PATJ: variants seen among roughly 807,000 people sequenced by gnomAD.
PATJ encodes PATJ crumbs cell polarity complex component.
A neutral mutation model predicts 224.9 loss-of-function variants in PATJ; 190 were observed. The ratio of observed to expected loss-of-function variants is 0.84; its 90% CI spans 0.75 to 0.95. The LOEUF is 0.95. PATJ is among the 40% of genes least tolerant of loss of function. PATJ has a pLI of 0.00. For synonymous variants in PATJ, 769 were observed against 820.3 expected, an observed-to-expected ratio of 0.94 and a Z score of 1.07; for missense variants, 2,121 against 2,270.3, an observed-to-expected ratio of 0.93 and a Z score of 1.34.
At position 61,801,553 on chromosome 1, in the gene PATJ, T is replaced by C. The variant is rs1232827592; in HGVS notation, c.1403-70T>C. 35 of 908,740 alleles carry C rather than the reference T, an allele frequency of 3.9e-5. No individual in the cohort carries two copies. In the East Asian group the frequency reaches 9.3e-4, roughly 24 times the overall value. 56.3% of individuals were successfully genotyped at this position (908,740 alleles called of 1,614,324 possible). On this transcript the variant is annotated intron_variant, in intron 11 of 43. Coordinates refer to ENST00000642238, the MANE Select transcript of PATJ (RefSeq NM_001350145.3). ...GCAGTAAAATCTGCTCACTTAAATATAGTCCTCAACAACTAATAATTCAAG... is the reference window on the plus strand; with the variant it reads ...GCAGTAAAATCTGCTCACTTAAATACAGTCCTCAACAACTAATAATTCAAG...
chr1:61,794,931 G>A (rs1373884086), intron 9 of PATJ, among the ~76,000 whole-genome samples: 1 of 151,940 alleles, frequency 6.6e-6, no homozygotes, highest in African/African-American at 2.4e-5. Flanking sequence ...GCAGTGAGCT[G>A]AGATCGTGCC....
chr1:61,820,438 G>T (rs540102601), intron 14 of PATJ, among the ~76,000 whole-genome samples: 22 of 151,828 alleles, frequency 1.4e-4, no homozygotes, highest in Admixed American at 1.3e-4. Flanking sequence ...TGCCTCCTGG[G>T]CTCAAGCGAT....
chr1:61,975,015 G>T (rs1328172830), intron 27 of PATJ, among the ~76,000 whole-genome samples: 1 of 151,966 alleles, frequency 6.6e-6, no homozygotes, highest in Non-Finnish European at 1.5e-5. Flanking sequence ...CATAATCTTG[G>T]CTTTCTGTGA....
At chr1:61,787,673 A>C in intron 7 of PATJ, 81 bp from the exon 8 acceptor site, 1 of 1,050,460 alleles carries the variant, frequency 9.5e-7, no homozygotes, top group South Asian at 1.5e-5. Context: ...ATTTTGCCAG[A>C]GCTGAAAGTC....
chr1:62,092,841 A>C (rs1660947753), intron 33 of PATJ, among the ~76,000 whole-genome samples: 1 of 150,848 alleles, frequency 6.6e-6, no homozygotes. Flanking sequence ...TCCCAAATTC[A>C]AGAGATTCTC....
In PATJ at chr1:61,911,455, G is replaced by A. The variant is rs532264815; in HGVS notation, c.3492+2973G>A. Among the ~76,000 whole-genome samples, 28 of 151,826 alleles carry A rather than the reference G, an allele frequency of 1.8e-4. No homozygotes were observed. The East Asian group carries it at 4.3e-3, about 23-fold the overall frequency. On this transcript the variant is annotated intron_variant, in intron 25 of 43. Coordinates refer to ENST00000642238, the MANE Select transcript of PATJ (RefSeq NM_001350145.3). The stretch of plus-strand genomic sequence containing the variant: ...TTTCGAACTCCTGACCTCGTGATCC[G>A]CCCACCTCGGCCTCCCAAAGTGAGC...
At chr1:62,148,439 G>T in intron 42 of PATJ, 49 bp downstream of exon 42, 1 of 1,381,788 alleles carries the variant, frequency 7.2e-7, no homozygotes, top group Non-Finnish European at 1.0e-6. Flanking sequence ...GGCAAAGCTC[G>T]GAAGAACTTT....
intron 28 of PATJ, among the ~76,000 whole-genome samples, chr1:61,996,903 C>T (rs551776879): frequency 6.6e-5 from 10 of 151,734 alleles, no homozygotes; most frequent in African/African-American, 2.2e-4. Flanking sequence ...CCACCATGCC[C>T]GGCTAATTTT....
At chr1:62,126,721 T>C (rs948713150) in intron 39 of PATJ, among the ~76,000 whole-genome samples, 3 of 152,216 alleles carry the variant, frequency 2.0e-5, no homozygotes, top group African/African-American at 7.2e-5. Flanking sequence ...ATGTGTTTGT[T>C]CACACCCAGA....
intron 21 of PATJ, among the ~76,000 whole-genome samples, chr1:61,882,216 A>G (rs1223780944): frequency 6.6e-6 from 1 of 152,146 alleles, no homozygotes. Context: ...AGAATGTTTG[A>G]GGAGGAGGCC....
At chr1:62,054,206 AG>A in intron 31 of PATJ, 1 of 192,868 alleles carries the variant, frequency 5.2e-6, no homozygotes, top group South Asian at 8.3e-5. Flanking sequence ...AAAAAAAAAA[AG>A]AAGAAATTAG....
At chr1:62,144,775 AAAAT>A (rs966627044) in intron 41 of PATJ, among the ~76,000 whole-genome samples, 3,435 of 90,840 alleles carry the variant, frequency 0.038, 222 homozygotes, top group African/African-American at 0.13. Flanking sequence ...GCAAAAAAAA[AAAAT>A]ATATATATAT....
intron 3 of PATJ, among the ~76,000 whole-genome samples, chr1:61,766,027 G>A (rs1646251644): frequency 6.6e-6 from 1 of 152,144 alleles, no homozygotes; most frequent in South Asian, 2.1e-4. Context: ...CAGTGTACAT[G>A]CTGTTAACTT....
In PATJ at chr1:62,086,433, G is replaced by A. The variant is rs182011389; in HGVS notation, c.4377+1785G>A. On this transcript the variant is annotated intron_variant, in intron 33 of 43. Transcript: ENST00000642238. This position sits in a 1 kb window ranked among gnomAD's most constrained non-coding sequence, Gnocchi z 4.0. ...TCTGCCCTTCACTACCTAAAACCAGGGCGACTCCCTAGAGACAATCACTCT... is the reference window on the plus strand; with the variant it reads ...TCTGCCCTTCACTACCTAAAACCAGAGCGACTCCCTAGAGACAATCACTCT... Among the ~76,000 whole-genome samples, 1,472 of 151,938 alleles carry A rather than the reference G, an allele frequency of 9.7e-3. 8 individuals carry two copies. Among genetic ancestry groups the A allele is most frequent in the Non-Finnish European group, 0.015 (996 of 67,962 alleles).
At position 61,787,928 on chromosome 1, in the gene PATJ, T is replaced by G; in HGVS notation, c.1024T>G (p.Leu342Val). 1 of 1,613,958 alleles carries G rather than the reference T, an allele frequency of 6.2e-7. No homozygotes were observed. The highest frequency in any genetic ancestry group is 8.5e-7 in the Non-Finnish European group (1 of 1,180,024). The change falls in exon 8 of 44, where the codon TTA (leucine) becomes GTA (valine). Residue 342 changes from leucine (L) to valine (V), a missense_variant. Transcript: ENST00000642238. Reference protein sequence around the residue: ...ISVTPPAPAALPVALPTVASK... With the variant: ...ISVTPPAPAAVPVALPTVASK... ...AGTCACCCCCCCTGCCCCTGCAGCC[T>G]TACCTGTTGCCCTGCCTACTGTAGC...
chr1:62,118,597 T>A (rs1341015970), intron 37 of PATJ, among the ~76,000 whole-genome samples: 1 of 152,104 alleles, frequency 6.6e-6, no homozygotes, highest in Non-Finnish European at 1.5e-5. Context: ...TTTCTGTCCC[T>A]CTTGAGAGAT....
At chr1:62,036,623 G>T (rs1211644783) in intron 29 of PATJ, among the ~76,000 whole-genome samples, 1 of 152,078 alleles carries the variant, frequency 6.6e-6, no homozygotes. Context: ...AATAGTCTTT[G>T]AATTTAAGGG....
intron 31 of PATJ, among the ~76,000 whole-genome samples, chr1:62,067,349 A>G (rs377433494): frequency 3.3e-5 from 5 of 151,446 alleles, no homozygotes; most frequent in African/African-American, 9.7e-5. Flanking sequence ...GGATGGTCTC[A>G]ATCTCCTGAC....
At chr1:62,024,430 A>G (rs908360135) in intron 29 of PATJ, among the ~76,000 whole-genome samples, 1 of 151,726 alleles carries the variant, frequency 6.6e-6, no homozygotes, top group Non-Finnish European at 1.5e-5. Context: ...AGAATTGGTA[A>G]TTTTTTCTTT....
Sources: gnomAD v4.1 joint callset for allele counts (sites outside exome capture counted in the v4.1 genomes callset) on GRCh38, gnomAD v4.1.1 for gene constraint, Gnocchi (gnomAD v3.1) non-coding constraint, MANE v1.5 for transcripts, NCBI Gene and HGNC (gene_info 2026-07-23, HGNC 2026-07-21) for gene names.